Variants in MLIP observed in about 807,000 individuals in gnomAD.
MLIP encodes muscular LMNA interacting protein.
In MLIP, 79 loss-of-function variants were observed where a neutral mutation model predicts 84.8. That is an observed-to-expected ratio of 0.93 (90% CI 0.78 to 1.12). The LOEUF is 1.12. Among genes scored for constraint, MLIP ranks in the 50% most tolerant of loss-of-function variants. The probability of loss-of-function intolerance (pLI) is 0.00; values close to 1 mark genes in which losing one functional copy is unlikely to be tolerated. For missense variants in MLIP, 1,257 were observed against 1,160.6 expected (o/e 1.08, Z -1.21); for synonymous variants, 504 against 463.0 (o/e 1.09, Z -1.14).
chr6:54,148,628 G>C (rs1033624186), intron 4 of MLIP, among the ~76,000 whole-genome samples: 2 of 152,058 alleles, frequency 1.3e-5, no homozygotes, highest in East Asian at 3.9e-4. Flanking sequence ...ATGATCAAGA[G>C]CTCAATTACA....
At position 54,091,082 on chromosome 6, in the gene MLIP, C is replaced by T. The variant is rs77651879; in HGVS notation, c.64-30365C>T. Among the ~76,000 whole-genome samples the T allele has an allele frequency of 3.1e-3, 475 of 152,130 alleles. 6 individuals are homozygous for T. The highest frequency in any genetic ancestry group is 0.011 in the African/African-American group (453 of 41,496). ...TCCCTTGCCTCTACTCACTAGAGGC[C>T]AGGAGCACACCTCTCCCACTTTTTA... On this transcript the variant is annotated intron_variant, in intron 1 of 12. Transcript: ENST00000274897.
intron 2 of MLIP, among the ~76,000 whole-genome samples, chr6:54,123,867 GAA>G (rs1770676729): frequency 6.6e-6 from 1 of 152,160 alleles, no homozygotes; most frequent in African/African-American, 2.4e-5. Context: ...AATTGGATGG[GAA>G]AAGACTGAGA....
intron 10 of MLIP, among the ~76,000 whole-genome samples, chr6:54,199,635 A>G (rs1778536650): frequency 6.6e-6 from 1 of 152,098 alleles, no homozygotes; most frequent in Admixed American, 6.6e-5. Flanking sequence ...TAGATTTTTA[A>G]CTGGACCAAT....
intron 1 of MLIP, among the ~76,000 whole-genome samples, chr6:54,070,173 T>A (rs566215666): frequency 7.9e-5 from 12 of 152,222 alleles, no homozygotes; most frequent in Non-Finnish European, 1.5e-4. Flanking sequence ...ACGACTGCTT[T>A]ACTGTTCACT....
chr6:54,188,969 T>C (rs1224227950), intron 9 of MLIP, among the ~76,000 whole-genome samples: 1 of 152,198 alleles, frequency 6.6e-6, no homozygotes. Context: ...ACAGAAATGC[T>C]ACTACCCTGG....
chr6:54,086,574 A>G lies in MLIP; in HGVS notation c.64-34873A>G, dbSNP rs140296387. 5.3e-4 allele frequency among the ~76,000 whole-genome samples: 80 copies of G among 152,226 alleles called. 1 individual carries two copies. In the East Asian group the frequency reaches 0.015, roughly 28 times the overall value. Reference sequence around the variant, plus strand: ...TCACCACTTTGCTGTGAATATTTCAATAGTTTCTCATCTCACTCAGAATAA... The same window carrying G: ...TCACCACTTTGCTGTGAATATTTCAGTAGTTTCTCATCTCACTCAGAATAA... On this transcript the variant is annotated intron_variant, in intron 1 of 12. Coordinates refer to the MLIP transcript ENST00000274897.
Position 54,230,782 on chromosome 6 carries a change from TAAG to T in MLIP, c.2788_2790del (p.Lys930del). The T allele has an allele frequency of 6.2e-7, 1 of 1,614,164 alleles. No individual in the cohort carries two copies. The highest frequency in any genetic ancestry group is 8.5e-7 in the Non-Finnish European group (1 of 1,179,998). Reference sequence around the variant, plus strand: ...ATCAGACTAAACTCTATCCTCCTGCTAAGTCACTGCTGCATCCACAGACCCTCT... The same window carrying T: ...ATCAGACTAAACTCTATCCTCCTGCTTCACTGCTGCATCCACAGACCCTCT... On this transcript the variant is annotated inframe_deletion, in exon 12 of 14. Coordinates refer to ENST00000502396, the MANE Select transcript of MLIP (RefSeq NM_001281747.2).
intron 11 of MLIP, chr6:54,215,266 AAG>A: frequency 1.3e-6 from 2 of 1,492,008 alleles, no homozygotes; most frequent in South Asian, 1.3e-5. Flanking sequence ...CTTCCTGAAA[AAG>A]AGAAAAAGAC....
intron 12 of MLIP, among the ~76,000 whole-genome samples, chr6:54,238,055 A>AT (rs1267864541): frequency 6.6e-6 from 1 of 152,072 alleles, no homozygotes; most frequent in African/African-American, 2.4e-5. Context: ...CATTTAAATT[A>AT]TTTTTTTATC....
chr6:54,243,495 T>TTTATAAATGTTCC (rs887920286), intron 12 of MLIP, among the ~76,000 whole-genome samples: 3 of 152,136 alleles, frequency 2.0e-5, no homozygotes, highest in African/African-American at 7.2e-5. Flanking sequence ...TCACTGAAAT[T>TTTATAAATGTTCC]TTATAAGGAA....
chr6:54,171,412 G>A (rs1290585983), intron 9 of MLIP, among the ~76,000 whole-genome samples: 1 of 151,532 alleles, frequency 6.6e-6, no homozygotes, highest in Non-Finnish European at 1.5e-5. Context: ...TTTACAACAT[G>A]ACATTTGAAT....
intron 4 of MLIP, among the ~76,000 whole-genome samples, chr6:54,145,430 G>T (rs183968284): frequency 8.2e-4 from 125 of 152,120 alleles, no homozygotes; most frequent in African/African-American, 2.9e-3. Flanking sequence ...AAAGGAAAGG[G>T]TATGTATGTC....
At chr6:54,095,801 G>A (rs1320298535) in intron 1 of MLIP, among the ~76,000 whole-genome samples, 1 of 152,138 alleles carries the variant, frequency 6.6e-6, no homozygotes, top group Non-Finnish European at 1.5e-5. Flanking sequence ...TTCTCAGTTT[G>A]AATTCATGAA....
intron 9 of MLIP, among the ~76,000 whole-genome samples, chr6:54,183,432 CCTT>C (rs1413206806): frequency 2.6e-5 from 4 of 152,098 alleles, no homozygotes; most frequent in African/African-American, 9.7e-5. Flanking sequence ...ATGAGACAAA[CCTT>C]CTGCTTTGTA....
intron 1 of MLIP, among the ~76,000 whole-genome samples, chr6:54,087,139 A>T (rs1459915461): frequency 6.6e-6 from 1 of 152,178 alleles, no homozygotes; most frequent in East Asian, 1.9e-4. Flanking sequence ...TGAACAAACG[A>T]TGAGTAAATG....
chr6:54,190,207 C>G (rs1777781183), intron 10 of MLIP, among the ~76,000 whole-genome samples: 1 of 152,034 alleles, frequency 6.6e-6, no homozygotes, highest in Non-Finnish European at 1.5e-5. Context: ...GAGAAGAGAG[C>G]ACACTCTTTA....
intron 8 of MLIP, 31 bp downstream of exon 8, chr6:54,160,830 C>T (rs950616403): frequency 1.9e-6 from 3 of 1,566,888 alleles, no homozygotes; most frequent in East Asian, 2.3e-5. Context: ...ATTTATGGAA[C>T]CATAAGATTT....
At position 54,232,399 on chromosome 6, in the gene MLIP, C is replaced by T. The variant is rs142394919; in HGVS notation, c.2922+1482C>T. ...CTTTGTTTGGTTAGGCTGAGAAGAA[C>T]AAAAGCTGTGTGAAATCAGACAACT... On this transcript the variant is annotated intron_variant, in intron 12 of 13. Transcript: ENST00000502396. 4.2e-3 allele frequency among the ~76,000 whole-genome samples: 633 copies of T among 152,228 alleles called. 8 individuals carry two copies. In the South Asian group the frequency reaches 0.042, roughly 10 times the overall value.
intron 11 of MLIP, among the ~76,000 whole-genome samples, chr6:54,227,616 C>T (rs1780670192): frequency 6.6e-6 from 1 of 152,102 alleles, no homozygotes. Flanking sequence ...GGGTCATTTA[C>T]AAATCATCGG....
Sources: allele counts gnomAD v4.1 joint callset (sites outside exome capture counted in the v4.1 genomes callset), GRCh38; gene constraint gnomAD v4.1.1; transcripts MANE v1.5; gene names NCBI Gene and HGNC (gene_info 2026-07-23, HGNC 2026-07-21).